The following PLEKHA4 variants were observed in gnomAD, a reference collection of about 807,000 sequenced individuals.
PLEKHA4 encodes pleckstrin homology domain-containing family A member 4.
A neutral mutation model predicts 94.7 loss-of-function variants in PLEKHA4; 73 were observed. The observed-to-expected ratio is 0.77, with a 90% CI of 0.64 to 0.94. The LOEUF (loss-of-function observed/expected upper bound fraction) is 0.94, where lower values mean the gene tolerates loss of function less well. Ranked by LOEUF, PLEKHA4 falls within the 40% of genes least tolerant of loss-of-function variation. The pLI is 0.00. For synonymous variants in PLEKHA4, 449 were observed against 437.1 expected (o/e 1.03, Z -0.34); for missense variants, 1,049 against 1,054.1 (o/e 1.00, Z 0.07).
chr19:48,867,570 G>A lies in PLEKHA4; in HGVS notation c.51C>T (p.Ser17=). ...TCAGGCTGCTGAGCGAGGAGATGGT[G>A]GAGGCGCTGCTGGCCAGGCTCAGGC... ...RSSLSLASSA[S]TISSLSSLSP... The change falls in exon 2 of 20, where the codon TCC becomes TCT. Residue 17 remains serine, a synonymous_variant. Coordinates refer to ENST00000263265, the MANE Select transcript of PLEKHA4 (RefSeq NM_020904.3). This position sits in a 1 kb window ranked among gnomAD's most constrained non-coding sequence, Gnocchi z 4.7. 1 of 1,602,856 alleles carries A rather than the reference G, an allele frequency of 6.2e-7. No homozygotes were observed.
At chr19:48,849,360 G>A (rs1051646247) in intron 13 of PLEKHA4, among the ~76,000 whole-genome samples, 2 of 152,092 alleles carry the variant, frequency 1.3e-5, no homozygotes, top group Admixed American at 6.6e-5. Flanking sequence ...CCAGGCTGGA[G>A]TGCAGTGTCA....
intron 3 of PLEKHA4, among the ~76,000 whole-genome samples, chr19:48,864,892 C>T (rs1050033939): frequency 1.3e-5 from 2 of 152,144 alleles, no homozygotes; most frequent in Admixed American, 6.5e-5. Flanking sequence ...GCCCATCCTG[C>T]GATCTGAAAT....
At position 48,860,406 on chromosome 19, in the gene PLEKHA4, G is replaced by A. The variant is rs905725947; in HGVS notation, c.420C>T (p.Asp140=). Residue 140 remains aspartate, a synonymous_variant, in exon 6 of 20, where the codon GAC becomes GAT. Transcript: ENST00000263265. Reference sequence around the variant, plus strand: ...CCAGCGCCCGTAGCCAGCCCCGCAGGTCTTCTAAGGTGTCAGCGGCCAAAA... The same window carrying A: ...CCAGCGCCCGTAGCCAGCCCCGCAGATCTTCTAAGGTGTCAGCGGCCAAAA... ...TYVLAADTLE[D]LRGWLRALGR... The A allele has an allele frequency of 6.2e-7, 1 of 1,614,138 alleles. No homozygotes were observed. Among genetic ancestry groups the A allele is most frequent in the South Asian group, 1.1e-5 (1 of 91,086 alleles).
At position 48,837,785 on chromosome 19, in the gene PLEKHA4, T is replaced by C. The variant is rs1412287543; in HGVS notation, c.2077+232A>G. Among the ~76,000 whole-genome samples, 1 of 151,108 alleles carries C rather than the reference T, an allele frequency of 6.6e-6. No homozygotes were observed. The highest frequency in any genetic ancestry group is 1.9e-4 in the East Asian group (1 of 5,132). Reference sequence around the variant, plus strand: ...CAGTCCAGTCCTCTTTGAGACTCAGTTGTCGGCCCTCTCCCCGCCCCCTGA... The same window carrying C: ...CAGTCCAGTCCTCTTTGAGACTCAGCTGTCGGCCCTCTCCCCGCCCCCTGA... On this transcript the variant is annotated intron_variant, in intron 19 of 19. Transcript: ENST00000263265. This position sits in a 1 kb window ranked among gnomAD's most constrained non-coding sequence, Gnocchi z 4.3.
At position 48,859,692 on chromosome 19, in the gene PLEKHA4, G is replaced by A. The variant is rs750570869; in HGVS notation, c.477-8C>T. On this transcript the variant is annotated splice_polypyrimidine_tract_variant and splice_region_variant and intron_variant, in intron 6 of 19. Transcript: ENST00000263265. ...GGTGACCTGGGTTGCCCACTAGCGA[G>A]TGGACATAGACAAGATATCACTCCT... The A allele has an allele frequency of 3.1e-6, 5 of 1,609,522 alleles. No individual in the cohort carries two copies. The highest frequency in any genetic ancestry group is 4.2e-6 in the Non-Finnish European group (5 of 1,179,002).
chr19:48,842,132 T>C (rs1049634036), intron 16 of PLEKHA4, among the ~76,000 whole-genome samples: 2 of 149,262 alleles, frequency 1.3e-5, no homozygotes, highest in African/African-American at 5.1e-5. Context: ...CCTATGTTGT[T>C]AATTTATTTT....
intron 9 of PLEKHA4, among the ~76,000 whole-genome samples, chr19:48,855,418 A>G (rs1252030944): frequency 6.6e-6 from 1 of 152,126 alleles, no homozygotes; most frequent in Admixed American, 6.6e-5. Context: ...AGCCTGACCA[A>G]CATGGTGATA....
rs1430095386 is a variant in PLEKHA4 at position 48,854,104 on chromosome 19, G to A, written c.1096-17C>T. ...CAGCAGCGTCTGGAGAAAGGAGAGCGGGAGCTACTGATGGTCCAGATCTGG... is the reference window on the plus strand; with the variant it reads ...CAGCAGCGTCTGGAGAAAGGAGAGCAGGAGCTACTGATGGTCCAGATCTGG... On this transcript the variant is annotated splice_polypyrimidine_tract_variant and intron_variant, in intron 10 of 19. Transcript: ENST00000263265. 9.9e-6 allele frequency: 16 copies of A among 1,613,992 alleles called. No homozygotes were observed. Among genetic ancestry groups the A allele is most frequent in the South Asian group, 2.2e-5 (2 of 91,088 alleles).
In PLEKHA4 at chr19:48,837,157, A is replaced by G; in HGVS notation, c.*132T>C. The G allele has an allele frequency of 7.5e-7, 1 of 1,337,572 alleles. No homozygotes were observed. The highest frequency in any genetic ancestry group is 1.1e-6 in the Non-Finnish European group (1 of 950,938). 82.9% of individuals were successfully genotyped at this position (1,337,572 alleles called of 1,614,324 possible). ...GTTGAGAAAACCAAACTTTGGCCAT[A>G]GAAACCATTCCCCTCCCGGGCCCGC... On this transcript the variant is annotated 3_prime_UTR_variant, in exon 20 of 20. Transcript: ENST00000263265. This position sits in a 1 kb window ranked among gnomAD's most constrained non-coding sequence, Gnocchi z 4.3.
chr19:48,863,285 G>A (rs1427160400), intron 3 of PLEKHA4, among the ~76,000 whole-genome samples: 1 of 151,998 alleles, frequency 6.6e-6, no homozygotes, highest in Non-Finnish European at 1.5e-5. Context: ...ATGGAGTCTC[G>A]CTCTGTCACC....
At chr19:48,848,074 T>C in intron 13 of PLEKHA4, 34 bp from the exon 14 acceptor site, 2 of 1,608,306 alleles carry the variant, frequency 1.2e-6, no homozygotes, top group South Asian at 1.1e-5. Flanking sequence ...TACTTAAAGG[T>C]GGGAAAACGC....
chr19:48,846,596 G>A (rs1209863982), intron 14 of PLEKHA4, among the ~76,000 whole-genome samples: 2 of 151,498 alleles, frequency 1.3e-5, no homozygotes, highest in East Asian at 1.9e-4. Context: ...GGGAGACCCC[G>A]TCTCTACAAA....
rs2035595330 is a variant in PLEKHA4, at chr19:48,837,805, C to A, written c.2077+212G>T. 6.6e-6 allele frequency among the ~76,000 whole-genome samples: 1 copy of A among 151,766 alleles called. No homozygotes were observed. On this transcript the variant is annotated intron_variant, in intron 19 of 19. Coordinates refer to ENST00000263265, the MANE Select transcript of PLEKHA4 (RefSeq NM_020904.3). The surrounding 1 kb of genome is among the most constrained non-coding windows in gnomAD (Gnocchi z 4.3). ...CTCAGTTGTCGGCCCTCTCCCCGCC[C>A]CCTGACCTCTTCCTCCCCTCCTCCC...
rs564398220 is a variant in PLEKHA4 at position 48,850,283 on chromosome 19, A to G, written c.1425+1945T>C. ...CACTTTGGGAGGCCGAGGCGGGTGG[A>G]TCATGAGGTCAAGAGATCTAGACCA... On this transcript the variant is annotated intron_variant, in intron 13 of 19. Coordinates refer to ENST00000263265, the MANE Select transcript of PLEKHA4 (RefSeq NM_020904.3). Among the ~76,000 whole-genome samples, 12 of 152,118 alleles carry G rather than the reference A, an allele frequency of 7.9e-5. No individual in the cohort carries two copies. The South Asian group carries it at 1.9e-3, about 24-fold the overall frequency.
intron 8 of PLEKHA4, 127 bp from the exon 9 acceptor site, chr19:48,857,623 C>T (rs1452444481): frequency 8.0e-6 from 5 of 625,024 alleles, no homozygotes; most frequent in Non-Finnish European, 1.4e-5. Flanking sequence ...ACCCCCAACC[C>T]TGTGCTCTCT....
At chr19:48,845,822 C>T (rs1019539447) in intron 14 of PLEKHA4, among the ~76,000 whole-genome samples, 3 of 150,880 alleles carry the variant, frequency 2.0e-5, no homozygotes, top group African/African-American at 7.3e-5. Flanking sequence ...CCAGCTTAGT[C>T]CAACGTAGTG....
rs774190577 is a variant in PLEKHA4 at position 48,847,921 on chromosome 19, G to A, written c.1545C>T (p.Gly515=). 6.3e-6 allele frequency: 10 copies of A among 1,588,452 alleles called. No individual in the cohort carries two copies. Among genetic ancestry groups the A allele is most frequent in the South Asian group, 2.3e-5 (2 of 87,484 alleles). ...TTACCTCCCTCTCTGAGGACTCCTC[G>A]CCCTGGAGCACGGGAGATGGGGAGT... ...EPDSPSPVLQ[G]EESSERESLP... The change falls in exon 14 of 20, where the codon GGC becomes GGT. Residue 515 remains glycine (G), a synonymous_variant. Transcript: ENST00000263265.
Position 48,861,714 on chromosome 19 carries a change from G to A in PLEKHA4, c.193-22C>T, listed in dbSNP as rs745493720. On this transcript the variant is annotated intron_variant, in intron 3 of 19. Coordinates refer to ENST00000263265, the MANE Select transcript of PLEKHA4 (RefSeq NM_020904.3). ...TGTCCTGGGGAGAGAGATGGGAGGA[G>A]GGGCCTGAGTAAAGGGAAACAGAAA... 1.4e-5 allele frequency: 23 copies of A among 1,602,816 alleles called. No individual in the cohort carries two copies. In the South Asian group the frequency reaches 2.2e-4, roughly 15 times the overall value.
intron 13 of PLEKHA4, 129 bp from the exon 14 acceptor site, chr19:48,848,169 A>G: frequency 9.1e-7 from 1 of 1,098,724 alleles, no homozygotes; most frequent in Non-Finnish European, 1.3e-6. Flanking sequence ...TTTTTTTCCC[A>G]TGTGGTTATC....
Sources: allele counts gnomAD v4.1 joint callset (sites outside exome capture counted in the v4.1 genomes callset), GRCh38; gene constraint gnomAD v4.1.1; non-coding constraint Gnocchi (gnomAD v3.1); transcripts MANE v1.5; gene names NCBI Gene and HGNC (gene_info 2026-07-23, HGNC 2026-07-21).